The following PPP1R1C variants were observed in gnomAD, a reference collection of about 807,000 sequenced individuals.
The protein encoded by PPP1R1C is protein phosphatase 1 regulatory inhibitor subunit 1C.
In PPP1R1C, 15 loss-of-function variants were observed where a neutral mutation model predicts 17.4. That is an observed-to-expected ratio of 0.86 (90% CI 0.58 to 1.33). PPP1R1C has a LOEUF of 1.33. PPP1R1C is among the 40% of genes most tolerant of loss of function. The pLI is 0.00. For missense variants in PPP1R1C, 143 were observed against 130.0 expected (o/e 1.10, Z -0.48); for synonymous variants, 35 against 43.1 (o/e 0.81, Z 0.73).
At chr2:182,106,367 G>A (rs1689251062) in intron 4 of PPP1R1C, among the ~76,000 whole-genome samples, 1 of 152,212 alleles carries the variant, frequency 6.6e-6, no homozygotes, top group Non-Finnish European at 1.5e-5. Flanking sequence ...TAGATATTTA[G>A]AGGAGCAGAG....
intron 2 of PPP1R1C, among the ~76,000 whole-genome samples, chr2:182,030,251 G>T (rs1686773221): frequency 6.6e-6 from 1 of 152,206 alleles, no homozygotes; most frequent in African/African-American, 2.4e-5. Flanking sequence ...TTCCATTGCT[G>T]GTGAAGAACT....
At chr2:182,127,687 C>G (rs868458733) in intron 5 of PPP1R1C, among the ~76,000 whole-genome samples, 1 of 151,974 alleles carries the variant, frequency 6.6e-6, no homozygotes, top group Non-Finnish European at 1.5e-5. Context: ...ACTGTGTCAC[C>G]GGACTATCCC....
chr2:182,115,381 T>C (rs1434499012), intron 4 of PPP1R1C, among the ~76,000 whole-genome samples: 1 of 152,202 alleles, frequency 6.6e-6, no homozygotes, highest in Non-Finnish European at 1.5e-5. Context: ...ATTCAGTATA[T>C]ATTGAGAGAC....
chr2:182,097,626 T>G (rs9288078), intron 4 of PPP1R1C, among the ~76,000 whole-genome samples: 2 of 151,962 alleles, frequency 1.3e-5, no homozygotes, highest in Non-Finnish European at 2.9e-5. Context: ...CCCATTTAAC[T>G]TGGAATGTAT....
chr2:182,018,962 T>C (rs1288221151), intron 2 of PPP1R1C, among the ~76,000 whole-genome samples: 3 of 152,190 alleles, frequency 2.0e-5, no homozygotes, highest in Non-Finnish European at 2.9e-5. Context: ...AAAATACTTT[T>C]GTGGTGAAAA....
intron 2 of PPP1R1C, among the ~76,000 whole-genome samples, chr2:182,008,445 G>A (rs766680132): frequency 6.6e-6 from 1 of 152,116 alleles, no homozygotes; most frequent in Non-Finnish European, 1.5e-5. Flanking sequence ...ATAGATGTGG[G>A]TTTATATCTC....
At chr2:181,982,228 A>G (rs747419708), upstream of PPP1R1C, among the ~76,000 whole-genome samples, 2 of 152,218 alleles carry the variant, frequency 1.3e-5, no homozygotes, top group Non-Finnish European at 2.9e-5. Context: ...CAGTTATCAG[A>G]TAAAGAAAAA....
At chr2:182,099,264 A>C (rs557088142) in intron 4 of PPP1R1C, among the ~76,000 whole-genome samples, 3 of 152,320 alleles carry the variant, frequency 2.0e-5, no homozygotes, top group African/African-American at 7.2e-5. Flanking sequence ...TTTTTGCCTT[A>C]AAAAATTGAA....
intron 2 of PPP1R1C, among the ~76,000 whole-genome samples, chr2:182,032,550 C>T (rs1348227412): frequency 2.0e-5 from 3 of 152,082 alleles, no homozygotes; most frequent in African/African-American, 7.2e-5. Context: ...TAGTGGGCCC[C>T]ACCACATACT....
intron 2 of PPP1R1C, among the ~76,000 whole-genome samples, chr2:181,979,243 G>T (rs556428737): frequency 6.6e-6 from 1 of 152,214 alleles, no homozygotes; most frequent in Admixed American, 6.5e-5. Flanking sequence ...TGAGTGATAT[G>T]ACCCCATATA....
rs754817461 is a variant in PPP1R1C, at chr2:181,986,063, T to TTA, written c.-47_-46dup. 3 of 1,446,576 alleles carry TTA rather than the reference T, an allele frequency of 2.1e-6. No homozygotes were observed. The allele number at this position is 1,446,576 out of a possible 1,614,324, so 89.6% of individuals were successfully genotyped here. A position where few individuals can be genotyped will look rare whatever the true frequency, so the allele number is the denominator to read the frequency against. ...AACACATCCCGGACACCACTTAGGGTTAGTCTTTCTGAGCTCTTCACATCT... is the reference window on the plus strand; with the variant it reads ...AACACATCCCGGACACCACTTAGGGTTATAGTCTTTCTGAGCTCTTCACATCT... On this transcript the variant is annotated 5_prime_UTR_variant, in exon 1 of 5. Transcript: ENST00000682840.
At chr2:182,034,404 T>C (rs1471014024) in intron 2 of PPP1R1C, among the ~76,000 whole-genome samples, 1 of 152,126 alleles carries the variant, frequency 6.6e-6, no homozygotes, top group African/African-American at 2.4e-5. Flanking sequence ...AGAGTGTATA[T>C]TTTTTAATTA....
intron 1 of PPP1R1C, among the ~76,000 whole-genome samples, chr2:181,973,167 C>A (rs1469181625): frequency 1.3e-5 from 2 of 152,102 alleles, no homozygotes; most frequent in African/African-American, 2.4e-5. Context: ...CAGGCCCACC[C>A]CAGACCACCA....
intron 4 of PPP1R1C, among the ~76,000 whole-genome samples, chr2:182,066,970 G>GTT (rs1021505142): frequency 9.7e-5 from 12 of 123,720 alleles, no homozygotes; most frequent in African/African-American, 3.0e-4. Flanking sequence ...GTGTGTGTTT[G>GTT]TGTGTGTGTG....
At chr2:181,995,527 A>G (rs1418239136) in intron 2 of PPP1R1C, among the ~76,000 whole-genome samples, 1 of 152,248 alleles carries the variant, frequency 6.6e-6, no homozygotes, top group African/African-American at 2.4e-5. Context: ...TTGAATAAAT[A>G]GGTGTCTGCA....
chr2:182,079,877 T>C (rs947137472), intron 4 of PPP1R1C, among the ~76,000 whole-genome samples: 15 of 152,184 alleles, frequency 9.9e-5, no homozygotes, highest in Non-Finnish European at 2.1e-4. Flanking sequence ...CGTGGCCTGC[T>C]CTTCTGTGTC....
chr2:182,117,124 CTT>C (rs1484469318), intron 4 of PPP1R1C, 81 bp from the exon 5 acceptor site: 1 of 994,154 alleles, frequency 1.0e-6, no homozygotes, highest in Non-Finnish European at 1.5e-6. Flanking sequence ...ACTTTGCACT[CTT>C]TTCTTTATCT....
intron 4 of PPP1R1C, among the ~76,000 whole-genome samples, chr2:182,093,964 T>G (rs1271050760): frequency 6.6e-6 from 1 of 152,236 alleles, no homozygotes; most frequent in Non-Finnish European, 1.5e-5. Flanking sequence ...CCACATTTTC[T>G]GGTATCTGTT....
chr2:182,116,378 G>A (rs1689582850), intron 4 of PPP1R1C, among the ~76,000 whole-genome samples: 1 of 152,148 alleles, frequency 6.6e-6, no homozygotes, highest in Non-Finnish European at 1.5e-5. Flanking sequence ...GGGAATATGA[G>A]AAAGTCTATC....
Sources: allele counts gnomAD v4.1 joint callset (sites outside exome capture counted in the v4.1 genomes callset), GRCh38; gene constraint gnomAD v4.1.1; transcripts MANE v1.5; gene names NCBI Gene and HGNC (gene_info 2026-07-23, HGNC 2026-07-21).